Variants in SLC45A1 observed in about 807,000 individuals in gnomAD.
The protein encoded by SLC45A1 is solute carrier family 45 member 1, also known as proton-associated sugar transporter A.
Under a neutral mutation model 57.6 loss-of-function variants are expected in SLC45A1, and 28 were observed. The ratio of observed to expected loss-of-function variants is 0.49; its 90% CI spans 0.36 to 0.67. The LOEUF is 0.67. SLC45A1 is among the 30% of genes least tolerant of loss of function. SLC45A1 has a pLI of 0.00. For synonymous variants in SLC45A1, 459 were observed against 471.5 expected (o/e 0.97, Z 0.34); for missense variants, 814 against 1,041.5 (o/e 0.78, Z 3.01).
intron 1 of SLC45A1, among the ~76,000 whole-genome samples, chr1:8,320,503 G>C (rs907190527): frequency 6.6e-6 from 1 of 152,150 alleles, no homozygotes; most frequent in African/African-American, 2.4e-5. Flanking sequence ...AATTAGCCTG[G>C]TGTGGTGGTG....
rs1640349621 is a variant in SLC45A1, at chr1:8,330,357, C to A, written c.864C>A (p.Ile288=). 2.5e-6 allele frequency: 4 copies of A among 1,613,360 alleles called. No individual in the cohort carries two copies. The highest frequency in any genetic ancestry group is 1.6e-4 in the Middle Eastern group (1 of 6,062). Residue 288 remains isoleucine (I), a synonymous_variant, in exon 5 of 9, where the codon ATC becomes ATA. Transcript: ENST00000471889. The surrounding 1 kb of genome is among the most constrained non-coding windows in gnomAD (Gnocchi z 8.4). ...CCACCGTCCTGACCCTGGTCAGCAT[C>A]CCTGAGAGGCCGCTGCGGCCGCCGA... The part of the protein sequence containing the change: ...SVTTVLTLVS[I]PERPLRPPSE...
intron 8 of SLC45A1, among the ~76,000 whole-genome samples, chr1:8,342,417 A>G (rs939514301): frequency 2.0e-5 from 3 of 152,128 alleles, no homozygotes; most frequent in Non-Finnish European, 2.9e-5. Context: ...CCCGTCAGCC[A>G]TCACCCCTCT....
chr1:8,326,053 G>C lies in SLC45A1; in HGVS notation c.715+11G>C. The C allele has an allele frequency of 6.3e-7, 1 of 1,596,282 alleles. No homozygotes were observed. The highest frequency in any genetic ancestry group is 8.5e-7 in the Non-Finnish European group (1 of 1,176,752). On this transcript the variant is annotated intron_variant, in intron 4 of 8. Coordinates refer to ENST00000471889, the MANE Select transcript of SLC45A1 (RefSeq NM_001080397.3). This position sits in a 1 kb window ranked among gnomAD's most constrained non-coding sequence, Gnocchi z 5.5. ...ACGCCCTCCTGGCAGGTGAGTCTCCGCAGCAGGGCCGAAGCTGAATCTGCC... is the reference window on the plus strand; with the variant it reads ...ACGCCCTCCTGGCAGGTGAGTCTCCCCAGCAGGGCCGAAGCTGAATCTGCC...
chr1:8,342,160 T>C (rs1050022205), intron 8 of SLC45A1, among the ~76,000 whole-genome samples: 4 of 152,176 alleles, frequency 2.6e-5, no homozygotes, highest in African/African-American at 9.7e-5. Context: ...TGAGCTGAGA[T>C]CGTGCCACTG....
chr1:8,323,103 G>A (rs1392019117), intron 1 of SLC45A1, among the ~76,000 whole-genome samples: 1 of 152,210 alleles, frequency 6.6e-6, no homozygotes, highest in African/African-American at 2.4e-5. Flanking sequence ...GCTGGGCAGA[G>A]GACAGCGCGG....
At chr1:8,320,690 TCTAC>T (rs1395098313) in intron 1 of SLC45A1, among the ~76,000 whole-genome samples, 65 of 130,286 alleles carry the variant, frequency 5.0e-4, no homozygotes, top group African/African-American at 1.8e-3. Context: ...TCTCTCTCTC[TCTAC>T]ACACACACAC....
chr1:8,337,790 G>C (rs573594039), intron 6 of SLC45A1, 26 bp from the exon 7 acceptor site: 1 of 1,607,688 alleles, frequency 6.2e-7, no homozygotes, highest in South Asian at 1.1e-5. Context: ...TGCCCCCGAG[G>C]TCATGAACCT....
intron 5 of SLC45A1, among the ~76,000 whole-genome samples, chr1:8,334,276 C>T (rs544001473): frequency 6.6e-6 from 1 of 152,340 alleles, no homozygotes; most frequent in South Asian, 2.1e-4. Context: ...GTAACTGCAG[C>T]GCTGTTCCTC....
Position 8,343,664 on chromosome 1 carries a change from C to T in SLC45A1, c.1981-83C>T. The T allele has an allele frequency of 6.6e-7, 1 of 1,514,356 alleles. No homozygotes were observed. The highest frequency in any genetic ancestry group is 1.3e-5 in the South Asian group (1 of 79,812). The allele number at this position is 1,514,356 out of a possible 1,614,324, so 93.8% of individuals were successfully genotyped here. On this transcript the variant is annotated intron_variant, in intron 8 of 8. Coordinates refer to ENST00000471889, the MANE Select transcript of SLC45A1 (RefSeq NM_001080397.3). This position sits in a 1 kb window ranked among gnomAD's most constrained non-coding sequence, Gnocchi z 7.7. ...GCTGTGTGTGGGCCGCTCGGGCCTC[C>T]TGGGCTCGCAGGACACACCGAGCTC...
chr1:8,340,451 C>T (rs952187801), intron 8 of SLC45A1, among the ~76,000 whole-genome samples: 7 of 152,148 alleles, frequency 4.6e-5, no homozygotes, highest in African/African-American at 7.2e-5. Flanking sequence ...CGTGAGCCAC[C>T]GCACCCAGCC....
At chr1:8,323,306 C>T (rs1416044558) in intron 1 of SLC45A1, among the ~76,000 whole-genome samples, 1 of 152,090 alleles carries the variant, frequency 6.6e-6, no homozygotes, top group African/African-American at 2.4e-5. Context: ...TCCTGGCCAA[C>T]ATGATGAAAC....
chr1:8,329,244 T>C (rs1640296215), intron 4 of SLC45A1, among the ~76,000 whole-genome samples: 1 of 152,216 alleles, frequency 6.6e-6, no homozygotes, highest in South Asian at 2.1e-4. Context: ...GGTAAACCCC[T>C]AATGTGGCCA....
At position 8,326,717 on chromosome 1, in the gene SLC45A1, G is replaced by A. The variant is rs552331571; in HGVS notation, c.715+675G>A. Among the ~76,000 whole-genome samples, 6 of 152,334 alleles carry A rather than the reference G, an allele frequency of 3.9e-5. No individual in the cohort carries two copies. In the South Asian group the frequency reaches 6.2e-4, roughly 16 times the overall value. Reference sequence around the variant, plus strand: ...GTTTCGGCCAGGCACAGTGGCTCATGCCTGTAATCCCAGCACTTTGGGAGG... The same window carrying A: ...GTTTCGGCCAGGCACAGTGGCTCATACCTGTAATCCCAGCACTTTGGGAGG... On this transcript the variant is annotated intron_variant, in intron 4 of 8. Transcript: ENST00000471889. This position sits in a 1 kb window ranked among gnomAD's most constrained non-coding sequence, Gnocchi z 5.5.
chr1:8,340,818 C>T (rs760349730), intron 8 of SLC45A1, among the ~76,000 whole-genome samples: 3 of 152,072 alleles, frequency 2.0e-5, no homozygotes, highest in Non-Finnish European at 2.9e-5. Context: ...ATATGGTACC[C>T]GTCCTTTAGA....
In SLC45A1 at chr1:8,343,937, C is replaced by G. The variant is rs1270710042; in HGVS notation, c.2171C>G (p.Ser724Cys). The change falls in exon 9 of 9, where the codon TCC becomes TGC. Residue 724 changes from serine (S) to cysteine (C), a missense_variant. Ser to Cys is a moderately radical substitution (Grantham distance 112). Coordinates refer to ENST00000471889, the MANE Select transcript of SLC45A1 (RefSeq NM_001080397.3). The surrounding 1 kb of genome is among the most constrained non-coding windows in gnomAD (Gnocchi z 7.7). ...LVSFLGCLYSSLFVIYEIPPS... is the reference protein window; with the variant it reads ...LVSFLGCLYSCLFVIYEIPPS... ...TCCTTCCTGGGCTGCCTGTACTCCT[C>G]CCTGTTTGTCATTTATGAAATTCCT... is the stretch of plus-strand genomic sequence containing the variant. 6 of 1,613,962 alleles carry G rather than the reference C, an allele frequency of 3.7e-6. No individual in the cohort carries two copies. The highest frequency in any genetic ancestry group is 5.1e-6 in the Non-Finnish European group (6 of 1,180,010).
intron 6 of SLC45A1, among the ~76,000 whole-genome samples, 193 bp from the exon 7 acceptor site, chr1:8,337,623 T>G (rs1261109009): frequency 1.3e-5 from 2 of 152,166 alleles, no homozygotes; most frequent in African/African-American, 4.8e-5. Context: ...TTTCACCATG[T>G]TAGCCAGGAT....
At chr1:8,318,246 C>G (rs898836342) in intron 1 of SLC45A1, 60 bp downstream of exon 1, 1 of 412,368 alleles carries the variant, frequency 2.4e-6, no homozygotes, top group Non-Finnish European at 4.4e-6. Context: ...GCCGGGGCGC[C>G]GCGCCCTGGG....
In SLC45A1 at chr1:8,326,599, G is replaced by C. The variant is rs1640210569; in HGVS notation, c.715+557G>C. Among the ~76,000 whole-genome samples, 1 of 152,146 alleles carries C rather than the reference G, an allele frequency of 6.6e-6. No homozygotes were observed. On this transcript the variant is annotated intron_variant, in intron 4 of 8. Transcript: ENST00000471889. This position sits in a 1 kb window ranked among gnomAD's most constrained non-coding sequence, Gnocchi z 5.5. ...GGCTTTCTTGCACCTGGAAACGTCA[G>C]ACAGCTTGGGGGCCATTTAAACAGT... is the stretch of plus-strand genomic sequence containing the variant.
At position 8,318,125 on chromosome 1, in the gene SLC45A1, G is replaced by T; in HGVS notation, c.-86G>T. ...CCCCGGGTGATGCTGCAGCAGCCGG[G>T]ACCGCGGCCGGGCAGGCAGCAGCCC... On this transcript the variant is annotated 5_prime_UTR_variant, in exon 1 of 9. Coordinates refer to ENST00000471889, the MANE Select transcript of SLC45A1 (RefSeq NM_001080397.3). The T allele has an allele frequency of 2.1e-6, 1 of 473,692 alleles. No individual in the cohort carries two copies. 29.3% of individuals were successfully genotyped at this position (473,692 alleles called of 1,614,324 possible). A position where few individuals can be genotyped will look rare whatever the true frequency, so the allele number is the denominator to read the frequency against.
Sources: gnomAD v4.1 joint callset for allele counts (sites outside exome capture counted in the v4.1 genomes callset) on GRCh38, gnomAD v4.1.1 for gene constraint, Gnocchi (gnomAD v3.1) non-coding constraint, MANE v1.5 for transcripts, NCBI Gene and HGNC (gene_info 2026-07-23, HGNC 2026-07-21) for gene names.